The following GC variants were observed in gnomAD, a reference collection of about 807,000 sequenced individuals.
The protein encoded by GC is GC vitamin D binding protein, also known as vitamin D-binding protein.
In GC, 43 loss-of-function variants were observed where a neutral mutation model predicts 56.7. That is an observed-to-expected ratio of 0.76 (90% CI 0.59 to 0.98). GC has a LOEUF of 0.98. GC is among the 50% of genes least tolerant of loss of function. GC has a pLI of 0.00. For missense variants in GC, 529 were observed against 545.9 expected (o/e 0.97, Z 0.31); for synonymous variants, 216 against 202.7 (o/e 1.07, Z -0.56).
chr4:71,791,868 A>G (rs941954696), intron 1 of GC, among the ~76,000 whole-genome samples: 1 of 152,080 alleles, frequency 6.6e-6, no homozygotes, highest in Non-Finnish European at 1.5e-5. Flanking sequence ...CCCTGTGTCC[A>G]AGTGTTCTCA....
chr4:71,797,233 G>A (rs2149310443), intron 1 of GC, among the ~76,000 whole-genome samples: 1 of 152,362 alleles, frequency 6.6e-6, no homozygotes, highest in East Asian at 1.9e-4. Flanking sequence ...TGTTCAGACA[G>A]GACATTTAAG....
At chr4:71,793,084 T>A (rs1049363906) in intron 1 of GC, among the ~76,000 whole-genome samples, 34 of 152,312 alleles carry the variant, frequency 2.2e-4, no homozygotes, top group African/African-American at 8.2e-4. Context: ...TAGTTTGAAG[T>A]CAGGTAGCAT....
At chr4:71,784,248 G>C, upstream of GC, 1 of 1,224,708 alleles carries the variant, frequency 8.2e-7, no homozygotes, top group Non-Finnish European at 1.0e-6. Flanking sequence ...ACACCCTGGG[G>C]ATACTGTAGT....
chr4:71,775,319 G>T (rs540062962), intron 1 of GC, among the ~76,000 whole-genome samples: 2 of 151,944 alleles, frequency 1.3e-5, no homozygotes, highest in South Asian at 2.1e-4. Flanking sequence ...TCCCATAAAA[G>T]TCACTTCATT....
intron 12 of GC, 145 bp from the exon 13 acceptor site, chr4:71,742,015 C>T: frequency 1.6e-6 from 1 of 639,910 alleles, no homozygotes; most frequent in Non-Finnish European, 2.8e-6. Flanking sequence ...CCCATATATC[C>T]ACTATGGCCC....
At chr4:71,746,701 G>C (rs1198692669) in intron 11 of GC, among the ~76,000 whole-genome samples, 3 of 147,174 alleles carry the variant, frequency 2.0e-5, no homozygotes, top group Non-Finnish European at 4.4e-5. Context: ...ACCCAAGCAG[G>C]AGGCACAACA....
chr4:71,768,150 A>C, intron 3 of GC, 151 bp downstream of exon 3: 1 of 580,426 alleles, frequency 1.7e-6, no homozygotes. Context: ...TGTTAGAATA[A>C]ACCAGGCTGT....
upstream of GC, among the ~76,000 whole-genome samples, chr4:71,788,382 A>G (rs1400877545): frequency 6.6e-6 from 1 of 151,960 alleles, no homozygotes; most frequent in Non-Finnish European, 1.5e-5. Flanking sequence ...GCTGACAAAT[A>G]TAAATGAATT....
At chr4:71,742,470 C>T (rs542537088) in intron 12 of GC, among the ~76,000 whole-genome samples, 1 of 152,124 alleles carries the variant, frequency 6.6e-6, no homozygotes, top group African/African-American at 2.4e-5. Context: ...ATAAGGGACA[C>T]GAATCTGTTC....
chr4:71,803,560 G>A (rs1428627754), intron 1 of GC, among the ~76,000 whole-genome samples: 1 of 152,140 alleles, frequency 6.6e-6, no homozygotes, highest in Non-Finnish European at 1.5e-5. Flanking sequence ...AGGCAATAGT[G>A]CAGTAAAAAT....
At chr4:71,794,597 TA>T (rs1743050356) in intron 1 of GC, among the ~76,000 whole-genome samples, 1 of 152,002 alleles carries the variant, frequency 6.6e-6, no homozygotes, top group African/African-American at 2.4e-5. Context: ...TTGATTTTTT[TA>T]AAAAACCAGC....
rs1025155944 is a variant in GC, at chr4:71,791,474, A to T, written c.22-7420T>A. ...CTCTCTTTTCTTTTTAATTGCTGGGATTTTTATTGGGATTGCATTAAATCT... is the reference window on the plus strand; with the variant it reads ...CTCTCTTTTCTTTTTAATTGCTGGGTTTTTTATTGGGATTGCATTAAATCT... On this transcript the variant is annotated intron_variant, in intron 1 of 13. Coordinates refer to the GC transcript ENST00000504199. Among the ~76,000 whole-genome samples, 46 of 151,400 alleles carry T rather than the reference A, an allele frequency of 3.0e-4. 1 individual carries two copies. The highest frequency in any genetic ancestry group is 1.1e-3 in the African/African-American group (45 of 41,232).
chr4:71,793,368 C>A (rs1665695905), intron 1 of GC, among the ~76,000 whole-genome samples: 1 of 152,104 alleles, frequency 6.6e-6, no homozygotes, highest in South Asian at 2.1e-4. Context: ...TTGAAGAGGT[C>A]CTTCACATCC....
At chr4:71,794,953 TGTAC>T (rs1743061235) in intron 1 of GC, among the ~76,000 whole-genome samples, 1 of 152,240 alleles carries the variant, frequency 6.6e-6, no homozygotes, top group South Asian at 2.1e-4. Flanking sequence ...TCAGTTTGCA[TGTAC>T]TTGTGCAGTG....
intron 1 of GC, among the ~76,000 whole-genome samples, chr4:71,770,107 C>T (rs1318479299): frequency 6.6e-6 from 1 of 152,148 alleles, no homozygotes; most frequent in African/African-American, 2.4e-5. Context: ...CCACTCAGCG[C>T]TTGACAGGGA....
chr4:71,752,957 C>A (rs1230919254), intron 10 of GC, among the ~76,000 whole-genome samples: 1 of 152,076 alleles, frequency 6.6e-6, no homozygotes, highest in Non-Finnish European at 1.5e-5. Flanking sequence ...AACCTTTCAC[C>A]TTCTCTTCAG....
intron 1 of GC, among the ~76,000 whole-genome samples, chr4:71,781,037 A>G (rs1742658991): frequency 6.6e-6 from 1 of 152,138 alleles, no homozygotes; most frequent in South Asian, 2.1e-4. Flanking sequence ...CATATAGACC[A>G]TGGAATACTA....
At chr4:71,754,645 T>C in intron 9 of GC, 137 bp from the exon 10 acceptor site, 6 of 674,354 alleles carry the variant, frequency 8.9e-6, no homozygotes, top group Non-Finnish European at 1.6e-5. Context: ...ATAATAATTT[T>C]AGGGTTTGCA....
At chr4:71,792,502 G>A (rs1742996062) in intron 1 of GC, among the ~76,000 whole-genome samples, 1 of 151,986 alleles carries the variant, frequency 6.6e-6, no homozygotes, top group Non-Finnish European at 1.5e-5. Context: ...CTTTTTGATG[G>A]GGCTCTTTGT....
Sources: allele counts gnomAD v4.1 joint callset (sites outside exome capture counted in the v4.1 genomes callset), GRCh38; gene constraint gnomAD v4.1.1; transcripts MANE v1.5; gene names NCBI Gene and HGNC (gene_info 2026-07-23, HGNC 2026-07-21).